Variants in CFAP206 observed in about 807,000 individuals in gnomAD.
CFAP206 encodes cilia and flagella associated protein 206.
A neutral mutation model predicts 65.4 loss-of-function variants in CFAP206; 53 were observed. That is an observed-to-expected ratio of 0.81 (90% CI 0.65 to 1.02). CFAP206 has a LOEUF of 1.02. Ranked by LOEUF, CFAP206 falls within the 50% of genes least tolerant of loss-of-function variation. CFAP206 has a pLI of 0.00. For synonymous variants in CFAP206, 250 were observed against 254.4 expected (o/e 0.98, Z 0.17); for missense variants, 663 against 753.2 (o/e 0.88, Z 1.40).
intron 10 of CFAP206, among the ~76,000 whole-genome samples, chr6:87,434,031 C>G (rs1768207611): frequency 6.6e-6 from 1 of 150,830 alleles, no homozygotes; most frequent in Non-Finnish European, 1.5e-5. Flanking sequence ...ATCCAGGAGG[C>G]AGAGGTTGTA....
At chr6:87,447,951 T>TTTACTATTATTATTATTA (rs1554162953) in intron 11 of CFAP206, among the ~76,000 whole-genome samples, 2 of 146,866 alleles carry the variant, frequency 1.4e-5, no homozygotes, top group Admixed American at 1.4e-4. Flanking sequence ...CTAGATTTTC[T>TTTACTATTATTATTATTA]TTATTATTAT....
chr6:87,412,786 G>A (rs1242837324), intron 3 of CFAP206, among the ~76,000 whole-genome samples: 4 of 151,934 alleles, frequency 2.6e-5, no homozygotes, highest in Non-Finnish European at 4.4e-5. Flanking sequence ...TCAGCCTCCC[G>A]AGTAGCTGGG....
intron 11 of CFAP206, among the ~76,000 whole-genome samples, chr6:87,448,643 C>T (rs1289804654): frequency 6.6e-6 from 1 of 152,044 alleles, no homozygotes. Flanking sequence ...ATTAGCTAAC[C>T]TCTCCCCATC....
chr6:87,462,812 CT>C (rs1768768723), intron 12 of CFAP206, among the ~76,000 whole-genome samples: 2 of 152,136 alleles, frequency 1.3e-5, no homozygotes, highest in South Asian at 4.1e-4. Flanking sequence ...CACCTTGGGC[CT>C]TATTATTCCC....
intron 8 of CFAP206, among the ~76,000 whole-genome samples, chr6:87,427,982 C>CTT (rs10693817): frequency 0.011 from 1,056 of 93,780 alleles, 21 homozygotes; most frequent in African/African-American, 0.027. Flanking sequence ...CTCCACCCTC[C>CTT]TTTTTTTTTT....
intron 11 of CFAP206, among the ~76,000 whole-genome samples, chr6:87,439,500 CTTAG>C (rs1327551945): frequency 3.3e-5 from 5 of 151,848 alleles, no homozygotes; most frequent in Non-Finnish European, 5.9e-5. Flanking sequence ...GATATGTTTT[CTTAG>C]TTTGTAGCTT....
chr6:87,408,171 G>A (rs938712756), intron 1 of CFAP206, 82 bp downstream of exon 1: 8 of 724,640 alleles, frequency 1.1e-5, no homozygotes, highest in African/African-American at 1.9e-5. Flanking sequence ...GGCGGAGCTC[G>A]GGCGGCTGGA....
At chr6:87,418,832 C>T (rs1767885148) in intron 7 of CFAP206, among the ~76,000 whole-genome samples, 1 of 152,022 alleles carries the variant, frequency 6.6e-6, no homozygotes, top group African/African-American at 2.4e-5. Flanking sequence ...TTTTTGTAGG[C>T]CAGGCAGAGT....
chr6:87,421,390 G>A (rs1767937956), intron 7 of CFAP206, among the ~76,000 whole-genome samples: 1 of 152,132 alleles, frequency 6.6e-6, no homozygotes, highest in Admixed American at 6.5e-5. Flanking sequence ...GGAGACTGAG[G>A]CAGGAGAATC....
chr6:87,428,667 A>ATATAG lies in CFAP206; in HGVS notation c.1002_1003insTATAG (p.Asp335TyrfsTer33). On this transcript the variant is annotated frameshift_variant, in exon 9 of 13. Coordinates refer to ENST00000369562, the MANE Select transcript of CFAP206 (RefSeq NM_001031743.3). LOFTEE classifies it high-confidence loss of function. ...TTTCTACTCTGTGGACCAGCTTGCA[A>ATATAG]GACGAAACTATTGTGGTTGGTGTCC... 6.2e-7 allele frequency: 1 copy of ATATAG among 1,614,144 alleles called. No individual in the cohort carries two copies. The highest frequency in any genetic ancestry group is 1.1e-5 in the South Asian group (1 of 91,086).
chr6:87,423,854 G>T lies in CFAP206; in HGVS notation c.841-2672G>T, dbSNP rs546411998. On this transcript the variant is annotated intron_variant, in intron 7 of 12. Transcript: ENST00000369562. The stretch of plus-strand genomic sequence containing the variant: ...ATGGGTAAAATTAAACAGGATACAC[G>T]TTACATTTATGAATAAAAATTTGTT... Among the ~76,000 whole-genome samples, 7 of 151,362 alleles carry T rather than the reference G, an allele frequency of 4.6e-5. No individual in the cohort carries two copies. The East Asian group carries it at 1.4e-3, about 29-fold the overall frequency.
At position 87,416,786 on chromosome 6, in the gene CFAP206, T is replaced by G; in HGVS notation, c.590T>G (p.Phe197Cys). ...LTMIVTGIRL[F>C]NRDCGKGGEG... ...ATGATTGTTACTGGAATTCGTTTATTTAACAGAGACTGTGGAAAAGGAGGA... is the reference window on the plus strand; with the variant it reads ...ATGATTGTTACTGGAATTCGTTTATGTAACAGAGACTGTGGAAAAGGAGGA... Residue 197 changes from phenylalanine to cysteine, a missense_variant, in exon 6 of 13, where the codon TTT becomes TGT. Transcript: ENST00000369562. 1 of 1,613,904 alleles carries G rather than the reference T, an allele frequency of 6.2e-7. No individual in the cohort carries two copies. Among genetic ancestry groups the G allele is most frequent in the Non-Finnish European group, 8.5e-7 (1 of 1,179,884 alleles).
intron 11 of CFAP206, among the ~76,000 whole-genome samples, chr6:87,458,347 A>G (rs1234211863): frequency 6.6e-6 from 1 of 152,196 alleles, no homozygotes; most frequent in Admixed American, 6.5e-5. Context: ...AAATCAGTAT[A>G]TCAAGGAGAT....
intron 6 of CFAP206, among the ~76,000 whole-genome samples, 177 bp downstream of exon 6, chr6:87,417,004 G>A (rs1331544128): frequency 6.6e-6 from 1 of 151,944 alleles, no homozygotes; most frequent in African/African-American, 2.4e-5. Context: ...ACTTTTGCTG[G>A]GGCAAGACTT....
At position 87,435,109 on chromosome 6, in the gene CFAP206, AAAG is replaced by A. The variant is rs751361524; in HGVS notation, c.1494+57_1494+59del. ...GACATTTAAAAATATAGTTAATTTA[AAAG>A]TTGTATTTTGTTGTAGAATGCTTCC... On this transcript the variant is annotated intron_variant, in intron 11 of 12. Coordinates refer to ENST00000369562, the MANE Select transcript of CFAP206 (RefSeq NM_001031743.3). 8.2e-6 allele frequency: 11 copies of A among 1,335,002 alleles called. No individual in the cohort carries two copies. The South Asian group carries it at 1.4e-4, about 17-fold the overall frequency. The allele number at this position is 1,335,002 out of a possible 1,614,324, so 82.7% of individuals were successfully genotyped here.
At position 87,464,008 on chromosome 6, in the gene CFAP206, C is replaced by CT; in HGVS notation, c.1639-9dup. 6.3e-7 allele frequency: 1 copy of CT among 1,591,226 alleles called. No individual in the cohort carries two copies. The highest frequency in any genetic ancestry group is 1.1e-5 in the South Asian group (1 of 89,388). On this transcript the variant is annotated splice_polypyrimidine_tract_variant and intron_variant, in intron 12 of 12. Coordinates refer to ENST00000369562, the MANE Select transcript of CFAP206 (RefSeq NM_001031743.3). ...AGAGAAATGTTAATTCCTGTATTCT[C>CT]TTTCTCTTTAGGCTAATTTGCGCCA...
Position 87,416,787 on chromosome 6 carries a change from T to C in CFAP206, c.591T>C (p.Phe197=), listed in dbSNP as rs1259804786. Reference sequence around the variant, plus strand: ...TGATTGTTACTGGAATTCGTTTATTTAACAGAGACTGTGGAAAAGGAGGAG... The same window carrying C: ...TGATTGTTACTGGAATTCGTTTATTCAACAGAGACTGTGGAAAAGGAGGAG... ...LTMIVTGIRL[F]NRDCGKGGEG... Residue 197 remains phenylalanine, a synonymous_variant, in exon 6 of 13, where the codon TTT becomes TTC. Transcript: ENST00000369562. The C allele has an allele frequency of 4.3e-6, 7 of 1,613,746 alleles. No individual in the cohort carries two copies. In the Admixed American group the frequency reaches 5.0e-5, roughly 12 times the overall value.
intron 11 of CFAP206, among the ~76,000 whole-genome samples, chr6:87,449,322 A>T (rs1371991515): frequency 6.6e-6 from 1 of 151,612 alleles, no homozygotes; most frequent in Non-Finnish European, 1.5e-5. Flanking sequence ...CTGTAGTCCC[A>T]GCTACTTGGG....
intron 11 of CFAP206, among the ~76,000 whole-genome samples, chr6:87,450,024 A>G (rs987961636): frequency 1.4e-4 from 21 of 152,178 alleles, no homozygotes; most frequent in Non-Finnish European, 1.2e-4. Flanking sequence ...GTCTAGTTTC[A>G]TTCTTCTGCA....
Sources: allele counts gnomAD v4.1 joint callset (sites outside exome capture counted in the v4.1 genomes callset), GRCh38; gene constraint gnomAD v4.1.1; transcripts MANE v1.5; gene names NCBI Gene and HGNC (gene_info 2026-07-23, HGNC 2026-07-21).